Variants in LYPD6 observed in about 807,000 individuals in gnomAD.
LYPD6 encodes LY6/PLAUR domain containing 6, also known as ly6/PLAUR domain-containing protein 6.
LYPD6 carries 15 observed loss-of-function variants against 22.7 expected under a neutral mutation model. The observed-to-expected ratio is 0.66, with a 90% CI of 0.44 to 1.02. The LOEUF (loss-of-function observed/expected upper bound fraction) is 1.02. Among genes scored for constraint, LYPD6 ranks in the 50% least tolerant of loss-of-function variants. The pLI is 0.00. For synonymous variants in LYPD6, 72 were observed against 77.5 expected (o/e 0.93, Z 0.37); for missense variants, 189 against 208.4 (o/e 0.91, Z 0.57).
At chr2:149,367,825 A>G (rs1276187796) in intron 1 of LYPD6, 3 of 152,220 alleles carry the variant, frequency 2.0e-5, no homozygotes, top group African/African-American at 7.2e-5. Flanking sequence ...GGGAAAAAAC[A>G]TACCCTTATC....
chr2:149,409,514 G>C (rs1202076330), intron 1 of LYPD6, among the ~76,000 whole-genome samples: 1 of 152,162 alleles, frequency 6.6e-6, no homozygotes, highest in Non-Finnish European at 1.5e-5. Flanking sequence ...GAACTCCCAA[G>C]AGATTATGGC....
intron 1 of LYPD6, among the ~76,000 whole-genome samples, chr2:149,342,282 A>G (rs1223229206): frequency 1.3e-5 from 2 of 152,192 alleles, no homozygotes; most frequent in African/African-American, 2.4e-5. Context: ...ACATTTCAAC[A>G]TGAGATTTGG....
chr2:149,377,234 A>G (rs1188959560), intron 1 of LYPD6, among the ~76,000 whole-genome samples: 1 of 145,662 alleles, frequency 6.9e-6, no homozygotes, highest in South Asian at 2.2e-4. Context: ...ATGCGGAGTG[A>G]TGTTGTCTGT....
chr2:149,447,501 A>G (rs546914669), intron 2 of LYPD6, among the ~76,000 whole-genome samples: 3 of 152,196 alleles, frequency 2.0e-5, no homozygotes, highest in African/African-American at 7.2e-5. Context: ...TTCTATGGAC[A>G]TGGGTCCGAA....
intron 1 of LYPD6, among the ~76,000 whole-genome samples, chr2:149,436,584 G>A (rs1353556199): frequency 6.7e-6 from 1 of 149,728 alleles, no homozygotes; most frequent in Non-Finnish European, 1.5e-5. Context: ...TATCAGTTTG[G>A]TTTTTTTTTT....
chr2:149,385,001 T>G (rs528474054), intron 1 of LYPD6, among the ~76,000 whole-genome samples: 1 of 151,958 alleles, frequency 6.6e-6, no homozygotes, highest in South Asian at 2.1e-4. Flanking sequence ...GTCCTTGCGA[T>G]AGTTTACTGA....
intron 1 of LYPD6, among the ~76,000 whole-genome samples, chr2:149,353,467 C>G (rs1299382870): frequency 1.3e-5 from 2 of 152,114 alleles, no homozygotes; most frequent in African/African-American, 2.4e-5. Context: ...AACATTAGAC[C>G]AGCTGCTGTG....
intron 1 of LYPD6, among the ~76,000 whole-genome samples, chr2:149,423,506 G>A (rs964775430): frequency 1.3e-5 from 2 of 152,108 alleles, no homozygotes; most frequent in African/African-American, 2.4e-5. Context: ...GCAAGGTTTA[G>A]AGTTGCTATG....
At chr2:149,397,117 G>A (rs1224329046) in intron 1 of LYPD6, among the ~76,000 whole-genome samples, 2 of 152,150 alleles carry the variant, frequency 1.3e-5, no homozygotes, top group African/African-American at 4.8e-5. Context: ...TCGAACCTGT[G>A]GATATGGAGG....
At chr2:149,420,070 A>G (rs1683047066) in intron 1 of LYPD6, among the ~76,000 whole-genome samples, 1 of 152,180 alleles carries the variant, frequency 6.6e-6, no homozygotes, top group Middle Eastern at 3.2e-3. Flanking sequence ...TATGAATAAC[A>G]TCAGAATAAG....
At chr2:149,343,449 G>T (rs1303918474) in intron 1 of LYPD6, among the ~76,000 whole-genome samples, 1 of 152,130 alleles carries the variant, frequency 6.6e-6, no homozygotes, top group Non-Finnish European at 1.5e-5. Context: ...CCAAATTTCT[G>T]CCACTCCCAG....
chr2:149,387,967 GA>G (rs1682224868), intron 1 of LYPD6, among the ~76,000 whole-genome samples: 1 of 152,182 alleles, frequency 6.6e-6, no homozygotes, highest in Non-Finnish European at 1.5e-5. Context: ...AGGGAGCACT[GA>G]AGGATTTGCA....
chr2:149,405,381 G>T (rs1301459196), intron 1 of LYPD6, among the ~76,000 whole-genome samples: 2 of 152,246 alleles, frequency 1.3e-5, no homozygotes, highest in South Asian at 4.1e-4. Flanking sequence ...TTTTTGGTTG[G>T]TAAGCTATTG....
At chr2:149,478,399 T>TGTGC (rs1491190671), downstream of LYPD6, among the ~76,000 whole-genome samples, 12 of 150,086 alleles carry the variant, frequency 8.0e-5, no homozygotes, top group African/African-American at 2.4e-4. Context: ...TGTGTGTGTG[T>TGTGC]GCGCGCACGC....
chr2:149,381,393 G>A (rs1254075709), intron 1 of LYPD6, among the ~76,000 whole-genome samples: 2 of 152,106 alleles, frequency 1.3e-5, no homozygotes, highest in Non-Finnish European at 2.9e-5. Flanking sequence ...GTCTGTTGAC[G>A]AGGTGGCCCT....
intron 1 of LYPD6, among the ~76,000 whole-genome samples, chr2:149,434,958 G>A (rs908787323): frequency 1.1e-4 from 16 of 152,332 alleles, no homozygotes; most frequent in South Asian, 2.1e-4. Flanking sequence ...GGGCTGAAAT[G>A]TGTGCCCCCA....
chr2:149,444,950 A>T (rs1021421248), intron 2 of LYPD6, among the ~76,000 whole-genome samples: 1 of 152,350 alleles, frequency 6.6e-6, no homozygotes, highest in Admixed American at 6.5e-5. Flanking sequence ...TACTTTGCTC[A>T]TATTCATCAG....
In LYPD6 at chr2:149,376,429, AG is replaced by A. The variant is rs1440284362; in HGVS notation, c.-72+45713del. 1.2e-4 allele frequency among the ~76,000 whole-genome samples: 19 copies of A among 152,096 alleles called. No homozygotes were observed. The East Asian group carries it at 3.7e-3, about 29-fold the overall frequency. On this transcript the variant is annotated intron_variant, in intron 1 of 4. Coordinates refer to ENST00000334166, the MANE Select transcript of LYPD6 (RefSeq NM_194317.5). Reference sequence around the variant, plus strand: ...CATTGCCTTCTTAACTCTGCTCAGTAGGGGGGTCTTCCTAGTTTGGAAAAAC... The same window carrying A: ...CATTGCCTTCTTAACTCTGCTCAGTAGGGGGTCTTCCTAGTTTGGAAAAAC...
At chr2:149,401,716 T>A (rs960033204) in intron 1 of LYPD6, among the ~76,000 whole-genome samples, 1 of 152,176 alleles carries the variant, frequency 6.6e-6, no homozygotes, top group Non-Finnish European at 1.5e-5. Flanking sequence ...TAATTTAAAA[T>A]TTTTAAATCT....
Sources: allele counts gnomAD v4.1 joint callset (sites outside exome capture counted in the v4.1 genomes callset), GRCh38; gene constraint gnomAD v4.1.1; transcripts MANE v1.5; gene names NCBI Gene and HGNC (gene_info 2026-07-23, HGNC 2026-07-21).